ADGRV1: variants seen among roughly 807,000 people sequenced by gnomAD.
The protein encoded by ADGRV1 is G-protein coupled receptor 98.
In ADGRV1, 359 loss-of-function variants were observed where a neutral mutation model predicts 596.2. That is an observed-to-expected ratio of 0.60 (90% CI 0.55 to 0.66). The LOEUF (loss-of-function observed/expected upper bound fraction) is 0.66. ADGRV1 is among the 30% of genes least tolerant of loss of function. The pLI is 0.00. For synonymous variants in ADGRV1, 2,681 were observed against 2,679.2 expected, an observed-to-expected ratio of 1.00 and a Z score of -0.02; for missense variants, 7,274 against 7,575.6, an observed-to-expected ratio of 0.96 and a Z score of 1.48.
chr5:90,823,482 G>A lies in ADGRV1; in HGVS notation c.16254G>A (p.Val5418=). ...TCACACTTAACAAAACAGTCGTCGT[G>A]CTCCAGAAGGATGGGGTAAACCTGG... ...WRVTLNKTVV[V]LQKDGVNLVE... is the part of the protein sequence containing the mutation. The change falls in exon 76 of 90, where the codon GTG becomes GTA. Residue 5418 remains valine, a synonymous_variant. Transcript: ENST00000405460. 1 of 1,613,934 alleles carries A rather than the reference G, an allele frequency of 6.2e-7. No homozygotes were observed. Among genetic ancestry groups the A allele is most frequent in the Admixed American group, 1.7e-5 (1 of 60,016 alleles).
Position 90,745,171 on chromosome 5 carries a change from C to T in ADGRV1, c.10675C>T (p.Leu3559Phe), listed in dbSNP as rs1754470557. Residue 3559 changes from leucine (L) to phenylalanine (F), a missense_variant, in exon 51 of 90, where the codon CTT becomes TTT. This residue lies in a region of ADGRV1 where 3,643 missense variants were observed against 3,809.2 expected (regional missense o/e 0.96). Coordinates refer to ENST00000405460, the MANE Select transcript of ADGRV1 (RefSeq NM_032119.4). ...YDVASVTVKS[L>F]NSSKNLIALV... The stretch of plus-strand genomic sequence containing the variant: ...TGTGGCTTCTGTTACAGTAAAGTCC[C>T]TTAATTCAAGCAAGAATTTAATAGC... 6.2e-7 allele frequency: 1 copy of T among 1,613,376 alleles called. No homozygotes were observed. Among genetic ancestry groups the T allele is most frequent in the Non-Finnish European group, 8.5e-7 (1 of 1,179,666 alleles).
chr5:90,853,282 A>G lies in ADGRV1; in HGVS notation c.17205-2A>G. ...TACAGACCCTTTGCTTTTCTGTTGT[A>G]GAAGCAAAACCATCCTTGATAGTTG... On this transcript the variant is annotated splice_acceptor_variant, in intron 79 of 89. Coordinates refer to ENST00000405460, the MANE Select transcript of ADGRV1 (RefSeq NM_032119.4). LOFTEE classifies it high-confidence loss of function. The G allele has an allele frequency of 1.3e-6, 2 of 1,598,168 alleles. No homozygotes were observed. Among genetic ancestry groups the G allele is most frequent in the Non-Finnish European group, 1.7e-6 (2 of 1,170,868 alleles).
chr5:90,823,313 A>T, intron 75 of ADGRV1, 112 bp from the exon 76 acceptor site: 4 of 1,071,310 alleles, frequency 3.7e-6, no homozygotes, highest in Non-Finnish European at 5.5e-6. Flanking sequence ...TTGGATGAAG[A>T]GGTACCATTT....
At chr5:90,853,121 A>G (rs531996314) in intron 79 of ADGRV1, among the ~76,000 whole-genome samples, 163 bp from the exon 80 acceptor site, 1 of 152,332 alleles carries the variant, frequency 6.6e-6, no homozygotes, top group South Asian at 2.1e-4. Flanking sequence ...ACAATTATCC[A>G]CAAAAGAACT....
Position 91,143,485 on chromosome 5 carries a change from T to G in ADGRV1, c.18433-6545T>G, listed in dbSNP as rs555175852. 2.0e-5 allele frequency among the ~76,000 whole-genome samples: 3 copies of G among 152,310 alleles called. No individual in the cohort carries two copies. The East Asian group carries it at 5.8e-4, about 29-fold the overall frequency. ...GACTCGCAGTGCTCCTCTCCGCAGC[T>G]GGTCGTCCCTACGTCTGCTCAGCTC... On this transcript the variant is annotated intron_variant, in intron 87 of 89. Transcript: ENST00000405460.
intron 18 of ADGRV1, 150 bp from the exon 19 acceptor site, chr5:90,652,196 C>G: frequency 2.1e-6 from 1 of 472,828 alleles, no homozygotes; most frequent in Non-Finnish European, 3.7e-6. Flanking sequence ...CTTCTCTTCC[C>G]ATGAAATTCT....
rs1456399045 is a variant in ADGRV1, at chr5:90,965,525, C to T, written c.17967C>T (p.Leu5989=). 1.3e-6 allele frequency: 2 copies of T among 1,597,588 alleles called. No homozygotes were observed. The highest frequency in any genetic ancestry group is 1.1e-5 in the South Asian group (1 of 90,402). Reference sequence around the variant, plus strand: ...ATCTTTGCCAGTTTAGCTGGATGCTCATTCAGGTTGGTACCTCATTCCCTC... The same window carrying T: ...ATCTTTGCCAGTTTAGCTGGATGCTTATTCAGGTTGGTACCTCATTCCCTC... ...YLYLCQFSWM[L]IQSVNFWYVL... Residue 5989 remains leucine (L), a synonymous_variant, in exon 84 of 90, where the codon CTC becomes CTT. Transcript: ENST00000405460.
At chr5:90,917,160 T>A (rs910921988) in intron 83 of ADGRV1, among the ~76,000 whole-genome samples, 2 of 152,140 alleles carry the variant, frequency 1.3e-5, no homozygotes, top group Admixed American at 6.5e-5. Context: ...CAGCAATGAG[T>A]GCTTGTTTCA....
chr5:90,845,147 G>A (rs1765753425), intron 78 of ADGRV1, among the ~76,000 whole-genome samples: 1 of 152,136 alleles, frequency 6.6e-6, no homozygotes, highest in Non-Finnish European at 1.5e-5. Flanking sequence ...GCCAGGCAGT[G>A]TAGGGCGGCT....
intron 89 of ADGRV1, 40 bp downstream of exon 89, chr5:91,153,438 C>CT: frequency 7.2e-7 from 1 of 1,393,284 alleles, no homozygotes; most frequent in Non-Finnish European, 9.7e-7. Flanking sequence ...AGTAGGCACT[C>CT]TTGCTATGTT....
intron 10 of ADGRV1, among the ~76,000 whole-genome samples, chr5:90,636,723 T>C (rs1311223899): frequency 6.6e-6 from 1 of 152,134 alleles, no homozygotes; most frequent in Non-Finnish European, 1.5e-5. Flanking sequence ...ATAAGAATCT[T>C]TGCTCACTAG....
intron 83 of ADGRV1, among the ~76,000 whole-genome samples, chr5:90,867,260 A>G (rs1413313716): frequency 1.3e-5 from 2 of 152,180 alleles, no homozygotes; most frequent in Non-Finnish European, 2.9e-5. Context: ...ATACTTAACA[A>G]GGGAAAATAT....
chr5:91,035,861 T>TATATATATATATATATATATATA, intron 85 of ADGRV1, among the ~76,000 whole-genome samples: 2 of 96,402 alleles, frequency 2.1e-5, no homozygotes, highest in African/African-American at 7.6e-5. Flanking sequence ...TATATATATA[T>TATATATATATATATATATATATA]TATATATATA....
chr5:90,568,132 T>C (rs1378434131), intron 1 of ADGRV1, among the ~76,000 whole-genome samples: 2 of 152,130 alleles, frequency 1.3e-5, no homozygotes, highest in African/African-American at 4.8e-5. Context: ...ACTCAAATAT[T>C]TTTTCTTTGT....
intron 25 of ADGRV1, chr5:90,676,825 T>G (rs929092373): frequency 6.6e-6 from 1 of 152,104 alleles, no homozygotes; most frequent in Non-Finnish European, 1.5e-5. Context: ...CTATAATGAG[T>G]TGATTATTAA....
intron 85 of ADGRV1, among the ~76,000 whole-genome samples, chr5:91,066,739 A>C (rs536959975): frequency 2.2e-4 from 34 of 151,946 alleles, no homozygotes; most frequent in African/African-American, 8.2e-4. Flanking sequence ...ACAGTGTCTG[A>C]CTCCCTGAAC....
intron 71 of ADGRV1, among the ~76,000 whole-genome samples, chr5:90,804,331 G>T (rs1400245810): frequency 2.6e-5 from 4 of 152,062 alleles, no homozygotes; most frequent in Non-Finnish European, 5.9e-5. Flanking sequence ...GAACCTGGGA[G>T]GCAGAGGTTG....
intron 31 of ADGRV1, among the ~76,000 whole-genome samples, chr5:90,691,717 C>T (rs1009750926): frequency 1.3e-5 from 2 of 152,134 alleles, no homozygotes; most frequent in African/African-American, 4.8e-5. Context: ...TATATTTATA[C>T]TCCCTTTTGG....
chr5:90,811,818 T>C (rs1417554235), intron 74 of ADGRV1, among the ~76,000 whole-genome samples: 1 of 152,080 alleles, frequency 6.6e-6, no homozygotes, highest in Non-Finnish European at 1.5e-5. Context: ...CATCATACTA[T>C]TGTGTATATA....
Sources: allele counts gnomAD v4.1 joint callset (sites outside exome capture counted in the v4.1 genomes callset), GRCh38; gene constraint gnomAD v4.1.1; regional missense constraint gnomAD v4.1.1; transcripts MANE v1.5; gene names NCBI Gene and HGNC (gene_info 2026-07-23, HGNC 2026-07-21).